FTO: variants seen among roughly 807,000 people sequenced by gnomAD.
FTO encodes the protein alpha-ketoglutarate-dependent dioxygenase FTO.
FTO carries 47 observed loss-of-function variants against 63.9 expected under a neutral mutation model. The observed-to-expected ratio is 0.74, with a 90% CI of 0.58 to 0.94. FTO has a LOEUF of 0.94. Ranked by LOEUF, FTO falls within the 40% of genes least tolerant of loss-of-function variation. The probability of loss-of-function intolerance (pLI) is 0.00; values close to 1 mark genes in which losing one functional copy is unlikely to be tolerated. For synonymous variants in FTO, 207 were observed against 224.4 expected (o/e 0.92, Z 0.69); for missense variants, 562 against 618.1 (o/e 0.91, Z 0.96).
chr16:53,857,469 T>G (rs2080039767), intron 4 of FTO, among the ~76,000 whole-genome samples: 1 of 151,524 alleles, frequency 6.6e-6, no homozygotes, highest in Admixed American at 6.6e-5. Context: ...TCTCTCTCTT[T>G]CTATATATAT....
At chr16:53,752,034 T>G (rs2076807193) in intron 1 of FTO, among the ~76,000 whole-genome samples, 1 of 152,218 alleles carries the variant, frequency 6.6e-6, no homozygotes, top group Non-Finnish European at 1.5e-5. Context: ...TACTGGCACA[T>G]GGGCACAAAG....
chr16:53,825,901 C>G lies in FTO; in HGVS notation c.161C>G (p.Ala54Gly). ...TATCCTAAACTAATTCTCCGAGAAGCCAGCAGTGTATCTGAGGAGCTCCAT... is the reference window on the plus strand; with the variant it reads ...TATCCTAAACTAATTCTCCGAGAAGGCAGCAGTGTATCTGAGGAGCTCCAT... ...LKYPKLILRE[A>G]SSVSEELHKE... Residue 54 changes from alanine to glycine, a missense_variant, in exon 3 of 9, where the codon GCC becomes GGC. Coordinates refer to ENST00000471389, the MANE Select transcript of FTO (RefSeq NM_001080432.3). 3 of 1,614,098 alleles carry G rather than the reference C, an allele frequency of 1.9e-6. No homozygotes were observed. The highest frequency in any genetic ancestry group is 2.7e-5 in the African/African-American group (2 of 75,038).
chr16:54,016,311 A>C (rs1197870104), intron 8 of FTO, among the ~76,000 whole-genome samples: 3 of 136,618 alleles, frequency 2.2e-5, no homozygotes, highest in East Asian at 2.1e-4. Context: ...AAAAAAAAAA[A>C]AAAACTGGAA....
chr16:53,722,473 G>C (rs781081960), intron 1 of FTO, among the ~76,000 whole-genome samples: 4 of 152,118 alleles, frequency 2.6e-5, no homozygotes, highest in Non-Finnish European at 5.9e-5. Flanking sequence ...TTACTGAACA[G>C]TTATTTAACC....
In FTO at chr16:54,050,972, G is replaced by T. The variant is rs1050047123; in HGVS notation, c.1365-60790G>T. ...TATGTGAAAGTTTCCAACTGAAATC[G>T]CACCACAAGCAGTTGGTTATCTGGA... On this transcript the variant is annotated intron_variant, in intron 8 of 8. Coordinates refer to ENST00000471389, the MANE Select transcript of FTO (RefSeq NM_001080432.3). Among the ~76,000 whole-genome samples, 5 of 152,138 alleles carry T rather than the reference G, an allele frequency of 3.3e-5. No individual in the cohort carries two copies. The South Asian group carries it at 6.2e-4, about 19-fold the overall frequency.
chr16:53,753,894 G>A (rs944635218), intron 1 of FTO, among the ~76,000 whole-genome samples: 5 of 152,102 alleles, frequency 3.3e-5, no homozygotes, highest in Non-Finnish European at 7.3e-5. Context: ...GGGGTGCTGC[G>A]TTTTCTACCT....
At chr16:54,060,672 CACTT>C (rs2085547795) in intron 8 of FTO, among the ~76,000 whole-genome samples, 2 of 152,150 alleles carry the variant, frequency 1.3e-5, no homozygotes, top group Non-Finnish European at 2.9e-5. Flanking sequence ...AAAAAACAAT[CACTT>C]ACTAAATCAG....
chr16:53,718,369 G>A (rs760498824), intron 1 of FTO, among the ~76,000 whole-genome samples: 1 of 151,898 alleles, frequency 6.6e-6, no homozygotes, highest in Non-Finnish European at 1.5e-5. Flanking sequence ...TTTGTATTTG[G>A]CCACAATACA....
At chr16:53,712,389 T>C (rs532935790) in intron 1 of FTO, among the ~76,000 whole-genome samples, 1 of 152,336 alleles carries the variant, frequency 6.6e-6, no homozygotes, top group East Asian at 1.9e-4. Context: ...AAATCCATTA[T>C]TATTTTTTGC....
chr16:53,906,432 C>T (rs759281064), intron 7 of FTO, among the ~76,000 whole-genome samples: 11 of 152,288 alleles, frequency 7.2e-5, no homozygotes, highest in African/African-American at 1.2e-4. Flanking sequence ...TCACTTTAAA[C>T]GAACAGAGAG....
intron 1 of FTO, among the ~76,000 whole-genome samples, chr16:53,760,641 T>TTC (rs1227751623): frequency 6.7e-6 from 1 of 149,072 alleles, no homozygotes; most frequent in East Asian, 2.0e-4. Flanking sequence ...TTTTTTTTTT[T>TTC]CCTGAGACTG....
intron 2 of FTO, among the ~76,000 whole-genome samples, chr16:53,821,230 G>A (rs896420862): frequency 2.6e-5 from 4 of 152,120 alleles, no homozygotes; most frequent in Non-Finnish European, 5.9e-5. Context: ...CAGAAACAGA[G>A]TTCTTGGGAA....
rs756264360 is a variant in FTO, at chr16:54,093,565, G to A, written c.1365-18197G>A. ...ACCCCACTCCTGTAATGCTCAGTGA[G>A]GAGCCGAACTTCTCCATTAATCGGC... On this transcript the variant is annotated intron_variant, in intron 8 of 8. Coordinates refer to ENST00000471389, the MANE Select transcript of FTO (RefSeq NM_001080432.3). Among the ~76,000 whole-genome samples, 7 of 152,310 alleles carry A rather than the reference G, an allele frequency of 4.6e-5. 1 individual carries two copies. Among genetic ancestry groups the A allele is most frequent in the Admixed American group, 3.3e-4 (5 of 15,308 alleles).
At chr16:53,951,079 G>T (rs193260938) in intron 8 of FTO, among the ~76,000 whole-genome samples, 1 of 152,148 alleles carries the variant, frequency 6.6e-6, no homozygotes, top group Non-Finnish European at 1.5e-5. Context: ...CTTGTTTTTC[G>T]TAAGTAATTA....
At chr16:53,865,492 T>C (rs1451509339) in intron 4 of FTO, among the ~76,000 whole-genome samples, 1 of 152,244 alleles carries the variant, frequency 6.6e-6, no homozygotes, top group East Asian at 1.9e-4. Flanking sequence ...TATTTTGCAA[T>C]GTCCTAAGGT....
chr16:54,018,458 A>ATG (rs1191780392), intron 8 of FTO, among the ~76,000 whole-genome samples: 1 of 151,950 alleles, frequency 6.6e-6, no homozygotes, highest in Non-Finnish European at 1.5e-5. Context: ...ACATTCATTC[A>ATG]TGTGTTTGTG....
At chr16:53,833,250 A>G (rs558277650) in intron 3 of FTO, among the ~76,000 whole-genome samples, 2 of 152,216 alleles carry the variant, frequency 1.3e-5, no homozygotes, top group Non-Finnish European at 2.9e-5. Context: ...TGTAAGTCCA[A>G]TTAATCCTCT....
intron 2 of FTO, among the ~76,000 whole-genome samples, chr16:53,817,441 A>C (rs1051214726): frequency 6.6e-6 from 1 of 152,214 alleles, no homozygotes; most frequent in Admixed American, 6.5e-5. Context: ...ATAGGGTGCA[A>C]ATTGCTGAGT....
intron 5 of FTO, among the ~76,000 whole-genome samples, chr16:53,874,963 G>T (rs1432393429): frequency 1.3e-5 from 2 of 152,108 alleles, no homozygotes; most frequent in Non-Finnish European, 2.9e-5. Context: ...TTAGTTGGGG[G>T]GGACAAATTT....
Sources: gnomAD v4.1 joint callset for allele counts (sites outside exome capture counted in the v4.1 genomes callset) on GRCh38, gnomAD v4.1.1 for gene constraint, MANE v1.5 for transcripts, NCBI Gene and HGNC (gene_info 2026-07-23, HGNC 2026-07-21) for gene names.